Variants in ANO10 observed in about 807,000 individuals in gnomAD.
ANO10 encodes the protein anoctamin 10.
ANO10 carries 77 observed loss-of-function variants against 74.7 expected under a neutral mutation model. That is an observed-to-expected ratio of 1.03 (90% CI 0.86 to 1.25). The LOEUF (loss-of-function observed/expected upper bound fraction) is 1.25, where lower values mean the gene tolerates loss of function less well. ANO10 is among the 50% of genes most tolerant of loss of function. The pLI is 0.00. For missense variants in ANO10, 721 were observed against 778.1 expected (o/e 0.93, Z 0.87); for synonymous variants, 279 against 284.9 (o/e 0.98, Z 0.21).
intron 1 of ANO10, among the ~76,000 whole-genome samples, chr3:43,669,452 T>C (rs2084031235): frequency 1.3e-5 from 2 of 152,138 alleles, no homozygotes; most frequent in African/African-American, 2.4e-5. Context: ...CAGCAATTTG[T>C]CAATTACAGT....
At chr3:43,510,575 T>A (rs1256535856) in intron 11 of ANO10, among the ~76,000 whole-genome samples, 1 of 152,060 alleles carries the variant, frequency 6.6e-6, no homozygotes. Context: ...AATATCACCA[T>A]CCAGGAAACT....
At chr3:43,590,221 T>C (rs895339000) in intron 4 of ANO10, among the ~76,000 whole-genome samples, 1 of 152,238 alleles carries the variant, frequency 6.6e-6, no homozygotes. Context: ...CCTGTTTTCA[T>C]TGGAACTCTG....
chr3:43,563,768 C>T (rs1261010910), intron 8 of ANO10, among the ~76,000 whole-genome samples: 1 of 152,222 alleles, frequency 6.6e-6, no homozygotes, highest in East Asian at 1.9e-4. Flanking sequence ...ACAAATATCA[C>T]AGGCTCCCAC....
chr3:43,457,833 C>T (rs2149015852), intron 11 of ANO10, among the ~76,000 whole-genome samples: 2 of 152,270 alleles, frequency 1.3e-5, no homozygotes, highest in South Asian at 4.1e-4. Context: ...TGAGGAGCTG[C>T]CACTTGAAAT....
intron 11 of ANO10, among the ~76,000 whole-genome samples, chr3:43,519,607 T>C (rs1217850760): frequency 6.6e-6 from 1 of 152,132 alleles, no homozygotes; most frequent in African/African-American, 2.4e-5. Flanking sequence ...TGTCCTCCTA[T>C]AAGGTAGTGT....
chr3:43,443,486 G>A (rs1323393959), intron 11 of ANO10, among the ~76,000 whole-genome samples: 3 of 152,076 alleles, frequency 2.0e-5, no homozygotes, highest in Non-Finnish European at 2.9e-5. Flanking sequence ...GAGACCTTGA[G>A]GCTCCCTTTT....
At chr3:43,633,905 A>C (rs1017139532) in intron 1 of ANO10, among the ~76,000 whole-genome samples, 9 of 151,964 alleles carry the variant, frequency 5.9e-5, no homozygotes, top group African/African-American at 1.5e-4. Flanking sequence ...AAAAAAAAAA[A>C]AACTCAGACT....
intron 12 of ANO10, among the ~76,000 whole-genome samples, chr3:43,417,153 C>T (rs975099528): frequency 6.6e-6 from 1 of 152,134 alleles, no homozygotes; most frequent in African/African-American, 2.4e-5. Context: ...TAACAAAGAG[C>T]AGCCTGTAAA....
intron 1 of ANO10, among the ~76,000 whole-genome samples, chr3:43,680,857 C>A (rs11928495): frequency 0.05 from 7,557 of 152,162 alleles, 279 homozygotes; most frequent in South Asian, 0.12. Flanking sequence ...CAAATAAAAT[C>A]CTTTACAGAC....
upstream of ANO10, among the ~76,000 whole-genome samples, chr3:43,626,880 C>T (rs959983450): frequency 6.6e-6 from 1 of 152,236 alleles, no homozygotes; most frequent in East Asian, 1.9e-4. Context: ...TTCATTCTCT[C>T]TCTTTAAACT....
chr3:43,458,102 C>G (rs1053534848), intron 11 of ANO10, among the ~76,000 whole-genome samples: 7 of 152,166 alleles, frequency 4.6e-5, no homozygotes, highest in African/African-American at 1.7e-4. Context: ...CATTTTGTTC[C>G]TAGCTTGTTA....
chr3:43,631,190 A>T (rs1037426987), intron 1 of ANO10, among the ~76,000 whole-genome samples: 2 of 152,176 alleles, frequency 1.3e-5, no homozygotes, highest in African/African-American at 2.4e-5. Flanking sequence ...TGTCCTCCAC[A>T]TGTTGCTCTT....
chr3:43,487,907 G>T (rs1292387422), intron 11 of ANO10, among the ~76,000 whole-genome samples: 2 of 151,734 alleles, frequency 1.3e-5, no homozygotes, highest in African/African-American at 4.8e-5. Context: ...CACACTACCT[G>T]ACTTCAAACT....
intron 12 of ANO10, among the ~76,000 whole-genome samples, chr3:43,376,169 A>T (rs1170949047): frequency 6.6e-6 from 1 of 152,250 alleles, no homozygotes; most frequent in Non-Finnish European, 1.5e-5. Flanking sequence ...TTTACTAAAC[A>T]CATAAAAGGG....
chr3:43,676,483 T>C (rs2084123541), intron 1 of ANO10, among the ~76,000 whole-genome samples: 1 of 152,134 alleles, frequency 6.6e-6, no homozygotes, highest in Non-Finnish European at 1.5e-5. Context: ...TTAAGTCATA[T>C]TCTATTCTAT....
At chr3:43,486,142 T>A (rs1348473302) in intron 11 of ANO10, among the ~76,000 whole-genome samples, 1 of 152,222 alleles carries the variant, frequency 6.6e-6, no homozygotes, top group African/African-American at 2.4e-5. Context: ...AGAGATTGAG[T>A]CTGACACCTT....
rs2082195861 is a variant in ANO10, at chr3:43,598,576, A to T, written c.428T>A (p.Ile143Asn). ...ENLRAKDEKM[I>N]PGYPQAKLYP... ...CAACTTTGCCTGAGGGTAACCAGGGATCATTTTTTCATCTTTAGCTCTAAG... is the reference window on the plus strand; with the variant it reads ...CAACTTTGCCTGAGGGTAACCAGGGTTCATTTTTTCATCTTTAGCTCTAAG... Residue 143 changes from isoleucine (I) to asparagine (N), a missense_variant, in exon 4 of 13, where the codon ATC becomes AAC. Coordinates refer to ENST00000292246, the MANE Select transcript of ANO10 (RefSeq NM_018075.5). The T allele has an allele frequency of 6.2e-7, 1 of 1,612,974 alleles. No individual in the cohort carries two copies. The highest frequency in any genetic ancestry group is 8.5e-7 in the Non-Finnish European group (1 of 1,179,616).
chr3:43,392,497 G>A (rs1443795719), intron 12 of ANO10, among the ~76,000 whole-genome samples: 2 of 152,194 alleles, frequency 1.3e-5, no homozygotes, highest in African/African-American at 4.8e-5. Context: ...TAGAATGGCT[G>A]CAATAATTCC....
chr3:43,381,230 T>C (rs1319905026), intron 12 of ANO10, among the ~76,000 whole-genome samples: 2 of 152,288 alleles, frequency 1.3e-5, no homozygotes, highest in East Asian at 3.9e-4. Context: ...TAATGTTGAA[T>C]GTAAATGGCC....
Sources: gnomAD v4.1 joint callset for allele counts (sites outside exome capture counted in the v4.1 genomes callset) on GRCh38, gnomAD v4.1.1 for gene constraint, MANE v1.5 for transcripts, NCBI Gene and HGNC (gene_info 2026-07-23, HGNC 2026-07-21) for gene names.